SAMSN1: variants seen among roughly 807,000 people sequenced by gnomAD.
SAMSN1 encodes SAM domain, SH3 domain and nuclear localization signals 1.
Under a neutral mutation model 42.0 loss-of-function variants are expected in SAMSN1, and 31 were observed. The ratio of observed to expected loss-of-function variants is 0.74; its 90% CI spans 0.55 to 1.00. The LOEUF (loss-of-function observed/expected upper bound fraction) is 1.00, where lower values mean the gene tolerates loss of function less well. SAMSN1 is among the 50% of genes least tolerant of loss of function. The probability of loss-of-function intolerance (pLI) is 0.00; values close to 1 mark genes in which losing one functional copy is unlikely to be tolerated. For synonymous variants in SAMSN1, 178 were observed against 151.9 expected (o/e 1.17, Z -1.26); for missense variants, 464 against 439.4 (o/e 1.06, Z -0.50).
In SAMSN1 at chr21:14,532,921, T is replaced by C. The variant is rs116813389; in HGVS notation, c.58-11700A>G. 7.9e-3 allele frequency among the ~76,000 whole-genome samples: 1,197 copies of C among 152,038 alleles called. 17 individuals are homozygous for C. The highest frequency in any genetic ancestry group is 0.028 in the African/African-American group (1,144 of 41,468). On this transcript the variant is annotated intron_variant, in intron 1 of 7. Transcript: ENST00000400566. ...CTTTTATTATTTATTTATTTATTTA[T>C]TTATTGAGACAGGGTCTCTTGCTCC...
chr21:14,627,776 A>T (rs1332237845), intron 2 of SAMSN1, among the ~76,000 whole-genome samples: 1 of 152,236 alleles, frequency 6.6e-6, no homozygotes, highest in Non-Finnish European at 1.5e-5. Flanking sequence ...AAAAAAAAGT[A>T]AAATGATGCT....
chr21:14,540,630 A>G (rs1436384531), intron 1 of SAMSN1, among the ~76,000 whole-genome samples: 1 of 152,178 alleles, frequency 6.6e-6, no homozygotes, highest in African/African-American at 2.4e-5. Context: ...AAGTCAGGAA[A>G]CAACAGGTGC....
intron 3 of SAMSN1, among the ~76,000 whole-genome samples, chr21:14,613,879 CTA>C (rs894036295): frequency 1.3e-4 from 19 of 151,718 alleles, no homozygotes; most frequent in Non-Finnish European, 2.7e-4. Flanking sequence ...TGAGATTTAA[CTA>C]AAAGTTTACA....
At chr21:14,491,458 A>G (rs187993307) in intron 7 of SAMSN1, among the ~76,000 whole-genome samples, 7 of 152,292 alleles carry the variant, frequency 4.6e-5, no homozygotes, top group African/African-American at 1.7e-4. Flanking sequence ...TGTGAAAGCT[A>G]CCTTCCCTCT....
intron 2 of SAMSN1, among the ~76,000 whole-genome samples, chr21:14,637,163 T>C (rs1454292037): frequency 6.6e-6 from 1 of 152,168 alleles, no homozygotes; most frequent in African/African-American, 2.4e-5. Flanking sequence ...AAGTGAATTT[T>C]AATTTAATTT....
chr21:14,637,259 C>T (rs373335859), intron 2 of SAMSN1, among the ~76,000 whole-genome samples: 2 of 152,188 alleles, frequency 1.3e-5, no homozygotes, highest in African/African-American at 4.8e-5. Context: ...CAGCATCGAA[C>T]TGAAATGTGC....
chr21:14,533,874 T>C (rs1321477173), intron 1 of SAMSN1, among the ~76,000 whole-genome samples: 1 of 152,226 alleles, frequency 6.6e-6, no homozygotes. Context: ...CATGAAGTTC[T>C]TCTCCTAGCC....
chr21:14,646,292 C>A (rs1983711492), intron 1 of SAMSN1, among the ~76,000 whole-genome samples: 2 of 152,054 alleles, frequency 1.3e-5, no homozygotes, highest in African/African-American at 4.8e-5. Context: ...AAATAACATA[C>A]AATTGAGCGC....
intron 2 of SAMSN1, among the ~76,000 whole-genome samples, chr21:14,581,319 T>A (rs917821688): frequency 7.1e-6 from 1 of 141,732 alleles, no homozygotes; most frequent in South Asian, 2.3e-4. Context: ...TTTTCTCAAC[T>A]GTAAAATGAG....
At chr21:14,565,286 CAAAA>C (rs71330076) in intron 2 of SAMSN1, among the ~76,000 whole-genome samples, 1 of 109,594 alleles carries the variant, frequency 9.1e-6, no homozygotes, top group South Asian at 3.0e-4. Context: ...AGACTCTATC[CAAAA>C]AAAAAAAAAA....
At chr21:14,598,204 A>G (rs1323434182) in intron 6 of SAMSN1, 1 of 152,154 alleles carries the variant, frequency 6.6e-6, no homozygotes, top group Admixed American at 6.6e-5. Context: ...GGTAATAAAT[A>G]TTATCTCTCT....
chr21:14,526,454 G>A (rs1978865262), intron 1 of SAMSN1, among the ~76,000 whole-genome samples: 1 of 152,292 alleles, frequency 6.6e-6, no homozygotes, highest in African/African-American at 2.4e-5. Flanking sequence ...ATTTGTGTAT[G>A]TGTGTTTCTA....
intron 1 of SAMSN1, among the ~76,000 whole-genome samples, chr21:14,654,505 C>G (rs1983884617): frequency 6.6e-6 from 1 of 151,960 alleles, no homozygotes; most frequent in Non-Finnish European, 1.5e-5. Context: ...GGGTAGCATG[C>G]AATCGATGTC....
intron 4 of SAMSN1, among the ~76,000 whole-genome samples, chr21:14,610,601 G>A (rs769814326): frequency 1.3e-5 from 2 of 152,180 alleles, no homozygotes; most frequent in Non-Finnish European, 1.5e-5. Flanking sequence ...TGGCTCGGGG[G>A]CATCACAAAA....
chr21:14,564,299 T>C (rs1362321280), intron 2 of SAMSN1, among the ~76,000 whole-genome samples: 1 of 152,164 alleles, frequency 6.6e-6, no homozygotes, highest in Non-Finnish European at 1.5e-5. Flanking sequence ...TCATTCATTA[T>C]TAAAGCCTAG....
chr21:14,512,681 G>T (rs1328059373), intron 3 of SAMSN1, 108 bp from the exon 4 acceptor site: 4 of 990,442 alleles, frequency 4.0e-6, no homozygotes, highest in Non-Finnish European at 6.0e-6. Flanking sequence ...AATACTTAAG[G>T]ATACATAAGG....
chr21:14,494,708 C>CAAA (rs113601795), intron 7 of SAMSN1, among the ~76,000 whole-genome samples: 3 of 107,722 alleles, frequency 2.8e-5, no homozygotes, highest in African/African-American at 1.0e-4. Flanking sequence ...AAGTACAATA[C>CAAA]AAAAAAAAAA....
intron 4 of SAMSN1, among the ~76,000 whole-genome samples, chr21:14,612,100 G>C (rs1272017874): frequency 6.6e-6 from 1 of 152,170 alleles, no homozygotes; most frequent in Non-Finnish European, 1.5e-5. Context: ...GGGTGTGATG[G>C]CACGCGCCTG....
chr21:14,510,437 C>T lies in SAMSN1; in HGVS notation c.434G>A (p.Gly145Asp). 6.2e-7 allele frequency: 1 copy of T among 1,614,158 alleles called. No individual in the cohort carries two copies. Residue 145 changes from glycine (G) to aspartate (D), a missense_variant, in exon 5 of 8, where the codon GGT becomes GAT. By Grantham distance (94) the Gly-to-Asp change is moderately conservative. Coordinates refer to ENST00000400566, the MANE Select transcript of SAMSN1 (RefSeq NM_022136.5). ...SSSGITSCSD[G>D]TSNRDSFRLD... Reference sequence around the variant, plus strand: ...TCGAAAGCTGTCCCGGTTACTTGTACCATCTGAACAGCTTGTTATGCCACC... The same window carrying T: ...TCGAAAGCTGTCCCGGTTACTTGTATCATCTGAACAGCTTGTTATGCCACC...
Sources: gnomAD v4.1 joint callset for allele counts (sites outside exome capture counted in the v4.1 genomes callset) on GRCh38, gnomAD v4.1.1 for gene constraint, MANE v1.5 for transcripts, NCBI Gene and HGNC (gene_info 2026-07-23, HGNC 2026-07-21) for gene names.